The following R3HDM2 variants were observed in gnomAD, a reference collection of about 807,000 sequenced individuals.
The protein encoded by R3HDM2 is R3H domain-containing protein 2.
Under a neutral mutation model 124.5 loss-of-function variants are expected in R3HDM2, and 38 were observed. That is an observed-to-expected ratio of 0.31 (90% CI 0.24 to 0.40). The LOEUF (loss-of-function observed/expected upper bound fraction) is 0.40, where lower values mean the gene tolerates loss of function less well. Ranked by LOEUF, R3HDM2 falls within the 10% of genes least tolerant of loss-of-function variation. R3HDM2 has a pLI of 1.00. For synonymous variants in R3HDM2, 391 were observed against 448.0 expected, an observed-to-expected ratio of 0.87 and a Z score of 1.61; for missense variants, 869 against 1,236.9, an observed-to-expected ratio of 0.70 and a Z score of 4.46.
intron 12 of R3HDM2, among the ~76,000 whole-genome samples, chr12:57,286,705 C>A (rs2047417696): frequency 6.6e-6 from 1 of 152,018 alleles, no homozygotes; most frequent in South Asian, 2.1e-4. Context: ...ATGGAGAAAC[C>A]CCGTCTCTAC....
intron 1 of R3HDM2, among the ~76,000 whole-genome samples, chr12:57,413,172 A>T (rs146783631): frequency 6.6e-6 from 1 of 152,198 alleles, no homozygotes; most frequent in Admixed American, 6.5e-5. Flanking sequence ...AAGAAAAAGA[A>T]AAAGAAAACT....
At chr12:57,418,713 C>T (rs2069895326) in intron 1 of R3HDM2, among the ~76,000 whole-genome samples, 1 of 152,122 alleles carries the variant, frequency 6.6e-6, no homozygotes, top group Non-Finnish European at 1.5e-5. Context: ...CACCCACCAC[C>T]ACGCCCAGCT....
At chr12:57,268,857 G>A (rs894613388) in intron 17 of R3HDM2, 65 bp downstream of exon 17, 13 of 1,557,354 alleles carry the variant, frequency 8.3e-6, no homozygotes, top group Non-Finnish European at 1.1e-5. Flanking sequence ...GGATGACCCT[G>A]GGAGGCTCTC....
intron 14 of R3HDM2, among the ~76,000 whole-genome samples, chr12:57,274,998 C>T (rs1565913002): frequency 6.6e-6 from 1 of 151,884 alleles, no homozygotes; most frequent in Non-Finnish European, 1.5e-5. Context: ...AAAAAAAGAG[C>T]CCCCATAGCC....
chr12:57,255,245 T>C (rs1351202472), intron 23 of R3HDM2, 132 bp from the exon 24 acceptor site: 8 of 707,398 alleles, frequency 1.1e-5, no homozygotes, highest in Non-Finnish European at 1.8e-5. Flanking sequence ...CTTTCTCTCT[T>C]AGCCCTTTCT....
At chr12:57,427,713 C>G (rs1455369029) in intron 1 of R3HDM2, among the ~76,000 whole-genome samples, 1 of 151,470 alleles carries the variant, frequency 6.6e-6, no homozygotes, top group Non-Finnish European at 1.5e-5. Flanking sequence ...AGGGTTAAGG[C>G]AGAAAATAAA....
In R3HDM2 at chr12:57,358,278, C is replaced by T. The variant is rs116575460; in HGVS notation, c.-36+37471G>A. On this transcript the variant is annotated intron_variant, in intron 2 of 23. Coordinates refer to ENST00000402412, the MANE Select transcript of R3HDM2 (RefSeq NM_001394031.1). ...CTGGGGTTACAGGCGTGAGCCACCG[C>T]GCCCAGCCAAATTTAGGATTTAAAT... Among the ~76,000 whole-genome samples, 1,226 of 152,026 alleles carry T rather than the reference C, an allele frequency of 8.1e-3. 8 individuals are homozygous for T. The highest frequency in any genetic ancestry group is 0.025 in the African/African-American group (1,026 of 41,470).
At chr12:57,329,292 A>C (rs140470531) in intron 2 of R3HDM2, among the ~76,000 whole-genome samples, 553 of 152,318 alleles carry the variant, frequency 3.6e-3, no homozygotes, top group Admixed American at 3.9e-3. Context: ...TAATCTCTAC[A>C]ATGTAGGAGA....
chr12:57,317,631 G>T (rs1004048859), intron 2 of R3HDM2, among the ~76,000 whole-genome samples: 2 of 76,336 alleles, frequency 2.6e-5, no homozygotes, highest in East Asian at 4.6e-4. Context: ...CTGGGAGATA[G>T]TTAAAAAAAA....
At chr12:57,315,810 C>T (rs2054888529) in intron 2 of R3HDM2, among the ~76,000 whole-genome samples, 1 of 152,208 alleles carries the variant, frequency 6.6e-6, no homozygotes. Context: ...ACTCATTTAA[C>T]TACCCACTTT....
At position 57,310,355 on chromosome 12, in the gene R3HDM2, G is replaced by A. The variant is rs1182589024; in HGVS notation, c.74C>T (p.Ser25Phe). The A allele has an allele frequency of 1.9e-6, 3 of 1,548,678 alleles. No homozygotes were observed. The Admixed American group carries it at 5.9e-5, about 31-fold the overall frequency. Residue 25 changes from serine to phenylalanine, a missense_variant, in exon 3 of 24, where the codon TCT becomes TTT. Transcript: ENST00000402412. ...AGATATAAACTTGTTTTTGTTTACA[G>A]ATTCTTCCACCAGTTTTTTTTCTGA... ...KESEKKLVEE[S>F]VNKNKFISKT...
At chr12:57,340,457 T>C (rs1475909398) in intron 2 of R3HDM2, among the ~76,000 whole-genome samples, 2 of 152,218 alleles carry the variant, frequency 1.3e-5, no homozygotes, top group African/African-American at 4.8e-5. Context: ...GTTATTCTTC[T>C]AGAATTCTCT....
Position 57,280,355 on chromosome 12 carries a change from C to T in R3HDM2, c.1344+3G>A, listed in dbSNP as rs1565939704. On this transcript the variant is annotated splice_donor_region_variant and intron_variant, in intron 14 of 23. Transcript: ENST00000402412. ...AGGACTCTGACACTGAGTGGTGACT[C>T]ACCTGTGAGATCATGTGATTATTCA... 2 of 1,611,670 alleles carry T rather than the reference C, an allele frequency of 1.2e-6. No individual in the cohort carries two copies. The highest frequency in any genetic ancestry group is 1.7e-5 in the Admixed American group (1 of 59,860).
chr12:57,295,028 A>G (rs2138504276), intron 10 of R3HDM2, among the ~76,000 whole-genome samples: 1 of 152,360 alleles, frequency 6.6e-6, no homozygotes, highest in East Asian at 1.9e-4. Flanking sequence ...GTGGTTCCCA[A>G]AGAAATCCCT....
chr12:57,258,316 T>G (rs2039692120), intron 20 of R3HDM2, among the ~76,000 whole-genome samples, 179 bp from the exon 21 acceptor site: 2 of 123,342 alleles, frequency 1.6e-5, no homozygotes, highest in Admixed American at 1.5e-4. Flanking sequence ...GCTATTTTAT[T>G]TATTTATTTA....
At chr12:57,326,580 G>A (rs768486385) in intron 2 of R3HDM2, among the ~76,000 whole-genome samples, 26 of 152,226 alleles carry the variant, frequency 1.7e-4, no homozygotes, top group Non-Finnish European at 3.5e-4. Flanking sequence ...ACCTAAAGGT[G>A]CAAGGTGAAG....
intron 2 of R3HDM2, among the ~76,000 whole-genome samples, chr12:57,322,172 C>T (rs535566245): frequency 4.6e-5 from 7 of 152,118 alleles, no homozygotes; most frequent in Admixed American, 2.6e-4. Context: ...GCCAAGATCG[C>T]GCCACTGCAC....
intron 2 of R3HDM2, among the ~76,000 whole-genome samples, chr12:57,331,312 A>C (rs1286724526): frequency 6.6e-6 from 1 of 152,212 alleles, no homozygotes; most frequent in Non-Finnish European, 1.5e-5. Flanking sequence ...ATGATCTACA[A>C]GACCTTAAAT....
At chr12:57,410,162 T>G (rs1381330305) in intron 1 of R3HDM2, among the ~76,000 whole-genome samples, 1 of 152,124 alleles carries the variant, frequency 6.6e-6, no homozygotes, top group Non-Finnish European at 1.5e-5. Flanking sequence ...TCATATTCAC[T>G]TTGTATGTGT....
Sources: allele counts gnomAD v4.1 joint callset (sites outside exome capture counted in the v4.1 genomes callset), GRCh38; gene constraint gnomAD v4.1.1; transcripts MANE v1.5; gene names NCBI Gene and HGNC (gene_info 2026-07-23, HGNC 2026-07-21).